Variants in PSAT1 observed in about 807,000 individuals in gnomAD.
The protein encoded by PSAT1 is phosphoserine aminotransferase.
PSAT1 carries 41 observed loss-of-function variants against 40.3 expected under a neutral mutation model. That is an observed-to-expected ratio of 1.02 (90% CI 0.79 to 1.32). The LOEUF (loss-of-function observed/expected upper bound fraction) is 1.32, where lower values mean the gene tolerates loss of function less well. Among genes scored for constraint, PSAT1 ranks in the 40% most tolerant of loss-of-function variants. PSAT1 has a pLI of 0.00. For synonymous variants in PSAT1, 147 were observed against 170.5 expected (o/e 0.86, Z 1.07); for missense variants, 406 against 455.8 (o/e 0.89, Z 0.99).
intron 7 of PSAT1, among the ~76,000 whole-genome samples, chr9:78,319,178 C>T (rs535970385): frequency 4.6e-4 from 70 of 152,346 alleles, no homozygotes; most frequent in Non-Finnish European, 7.8e-4. Flanking sequence ...AAAACGATGC[C>T]TCTGTCCTAA....
chr9:78,301,360 A>G (rs998611366), intron 2 of PSAT1, among the ~76,000 whole-genome samples: 1 of 151,904 alleles, frequency 6.6e-6, no homozygotes. Flanking sequence ...TAAAGTTTAA[A>G]AGTACATAAG....
intron 7 of PSAT1, among the ~76,000 whole-genome samples, chr9:78,326,671 T>C (rs929127575): frequency 5.3e-5 from 8 of 152,054 alleles, no homozygotes; most frequent in African/African-American, 1.9e-4. Context: ...TGTTTCTGCA[T>C]CATAGAACAC....
rs202227339 is a variant in PSAT1 at position 78,308,395 on chromosome 9, A to T, written c.571-19A>T. On this transcript the variant is annotated intron_variant, in intron 5 of 8. Transcript: ENST00000376588. ...AATGGCCAAATCCTTCTTAAGCAGC[A>T]TGTCTTTCTCTTTTTAAGTTTGGTG... 316 of 1,611,672 alleles carry T rather than the reference A, an allele frequency of 2.0e-4. No homozygotes were observed. Among genetic ancestry groups the T allele is most frequent in the Non-Finnish European group, 2.5e-4 (298 of 1,178,830 alleles).
At chr9:78,327,848 G>C (rs1052017689) in intron 7 of PSAT1, among the ~76,000 whole-genome samples, 1 of 152,148 alleles carries the variant, frequency 6.6e-6, no homozygotes, top group African/African-American at 2.4e-5. Flanking sequence ...CATACAAGGG[G>C]ATGATAACCC....
chr9:78,326,955 A>ATATATATTTTTTTT lies in PSAT1; in HGVS notation c.870-1095_870-1094insATATATTTTTTTTT. Among the ~76,000 whole-genome samples the ATATATATTTTTTTT allele has an allele frequency of 2.1e-3, 161 of 75,914 alleles. 2 individuals are homozygous for ATATATATTTTTTTT. Among genetic ancestry groups the ATATATATTTTTTTT allele is most frequent in the African/African-American group, 7.9e-3 (83 of 10,524 alleles). The allele number at this position is 75,914 out of a possible 152,430, so 49.8% of individuals were successfully genotyped here. On this transcript the variant is annotated intron_variant, in intron 7 of 8. Transcript: ENST00000376588. ...CAGCAATATATATATATATATATAT[A>ATATATATTTTTTTT]TTTTTTTTTTTTTTTTTTGAGACAG...
intron 2 of PSAT1, 117 bp downstream of exon 2, chr9:78,300,779 G>C (rs906725092): frequency 2.1e-5 from 30 of 1,410,250 alleles, no homozygotes; most frequent in Non-Finnish European, 2.7e-5. Context: ...ACAGTGGCGT[G>C]ATCATAGTTC....
At chr9:78,321,619 C>T (rs1422664289) in intron 7 of PSAT1, among the ~76,000 whole-genome samples, 1 of 152,038 alleles carries the variant, frequency 6.6e-6, no homozygotes, top group Non-Finnish European at 1.5e-5. Context: ...TTTCACCAGC[C>T]CTGCCAGTGA....
At chr9:78,301,877 C>G in intron 2 of PSAT1, 77 bp from the exon 3 acceptor site, 1 of 1,163,920 alleles carries the variant, frequency 8.6e-7, no homozygotes, top group Non-Finnish European at 1.3e-6. Flanking sequence ...TGTTTACTTG[C>G]AAATTTCGTA....
chr9:78,303,206 T>A (rs1828133293), intron 3 of PSAT1, among the ~76,000 whole-genome samples: 1 of 152,222 alleles, frequency 6.6e-6, no homozygotes, highest in Non-Finnish European at 1.5e-5. Context: ...GTTTTCTTTT[T>A]CAAATTGCTT....
chr9:78,301,197 A>G (rs1320627207), intron 2 of PSAT1, among the ~76,000 whole-genome samples: 1 of 152,182 alleles, frequency 6.6e-6, no homozygotes, highest in African/African-American at 2.4e-5. Context: ...AGAGGTTCTG[A>G]CATCTCAGCT....
intron 3 of PSAT1, among the ~76,000 whole-genome samples, chr9:78,302,782 A>G (rs1328531333): frequency 6.6e-6 from 1 of 150,582 alleles, no homozygotes; most frequent in Non-Finnish European, 1.5e-5. Context: ...GGCACCACTT[A>G]GTCCTGCTGA....
chr9:78,297,770 A>G (rs1828047989), intron 1 of PSAT1, among the ~76,000 whole-genome samples: 1 of 152,332 alleles, frequency 6.6e-6, no homozygotes, highest in East Asian at 1.9e-4. Context: ...TATGCAGTGG[A>G]TCACGTTAGC....
rs746255855 is a variant in PSAT1 at position 78,328,035 on chromosome 9, T to C, written c.870-16T>C. On this transcript the variant is annotated splice_polypyrimidine_tract_variant and intron_variant, in intron 7 of 8. Transcript: ENST00000376588. ...CATTTCAGAAAAGTAGCTGGAATAATAAACATGTTTTTCAGTTGTCCAGTG... is the reference window on the plus strand; with the variant it reads ...CATTTCAGAAAAGTAGCTGGAATAACAAACATGTTTTTCAGTTGTCCAGTG... 3.1e-6 allele frequency: 5 copies of C among 1,608,576 alleles called. No homozygotes were observed. In the Admixed American group the frequency reaches 6.7e-5, roughly 21 times the overall value.
At chr9:78,299,102 T>G (rs1025238995) in intron 1 of PSAT1, among the ~76,000 whole-genome samples, 1 of 128,824 alleles carries the variant, frequency 7.8e-6, no homozygotes, top group Non-Finnish European at 1.5e-5. Context: ...ATTGTCCCAC[T>G]GCATTCCAGG....
chr9:78,323,436 C>T (rs1191413022), intron 7 of PSAT1, among the ~76,000 whole-genome samples: 3 of 151,702 alleles, frequency 2.0e-5, no homozygotes, highest in East Asian at 1.9e-4. Flanking sequence ...AAAAATTAGC[C>T]GGGTGTGGTG....
At chr9:78,326,326 A>T (rs1454685414) in intron 7 of PSAT1, among the ~76,000 whole-genome samples, 2 of 152,038 alleles carry the variant, frequency 1.3e-5, no homozygotes, top group African/African-American at 2.4e-5. Flanking sequence ...ACCTTTTTTT[A>T]AAAAAATTGC....
intron 7 of PSAT1, among the ~76,000 whole-genome samples, chr9:78,322,168 G>A (rs1010634863): frequency 2.7e-5 from 4 of 150,672 alleles, no homozygotes; most frequent in Non-Finnish European, 3.0e-5. Context: ...ATTATATAAG[G>A]ATGTCCAAGT....
rs184274940 is a variant in PSAT1, at chr9:78,306,940, C to T, written c.570+454C>T. ...GGCAGTGGGACTGGCGCTGTAGGTA[C>T]ATGCCCCAGGGTGCGATGCGGGTAG... On this transcript the variant is annotated intron_variant, in intron 5 of 8. Coordinates refer to ENST00000376588, the MANE Select transcript of PSAT1 (RefSeq NM_058179.4). Among the ~76,000 whole-genome samples the T allele has an allele frequency of 5.3e-5, 8 of 152,334 alleles. No homozygotes were observed. The East Asian group carries it at 1.5e-3, about 29-fold the overall frequency.
rs115520495 is a variant in PSAT1 at position 78,307,251 on chromosome 9, A to G, written c.570+765A>G. 3.3e-3 allele frequency among the ~76,000 whole-genome samples: 498 copies of G among 152,266 alleles called. 4 individuals carry two copies. Among genetic ancestry groups the G allele is most frequent in the African/African-American group, 0.011 (457 of 41,546 alleles). On this transcript the variant is annotated intron_variant, in intron 5 of 8. Coordinates refer to ENST00000376588, the MANE Select transcript of PSAT1 (RefSeq NM_058179.4). ...TCCATTCTAGTTTCTGTCTCTGTGA[A>G]TTTGACTACTCTAGGTATCTCCTAG...
Sources: gnomAD v4.1 joint callset for allele counts (sites outside exome capture counted in the v4.1 genomes callset) on GRCh38, gnomAD v4.1.1 for gene constraint, MANE v1.5 for transcripts, NCBI Gene and HGNC (gene_info 2026-07-23, HGNC 2026-07-21) for gene names.